Variants in PPP1R21 observed in about 807,000 individuals in gnomAD.
PPP1R21 encodes the protein KLRAQ motif containing 1.
A neutral mutation model predicts 112.8 loss-of-function variants in PPP1R21; 85 were observed. The ratio of observed to expected loss-of-function variants is 0.75; its 90% confidence interval spans 0.63 to 0.90. PPP1R21 has a LOEUF of 0.90. PPP1R21 is among the 40% of genes least tolerant of loss of function. The pLI, the probability that PPP1R21 is intolerant of heterozygous loss-of-function variation, is 0.00. For missense variants in PPP1R21, 1,199 were observed against 901.5 expected (o/e 1.33, Z -4.23); for synonymous variants, 381 against 322.3 (o/e 1.18, Z -1.95).
intron 14 of PPP1R21, among the ~76,000 whole-genome samples, chr2:48,487,825 T>G (rs1669379776): frequency 6.6e-6 from 1 of 151,934 alleles, no homozygotes; most frequent in Non-Finnish European, 1.5e-5. Context: ...AGTTATATTC[T>G]CAGAGTGTGC....
At chr2:48,441,079 G>A in intron 1 of PPP1R21, 69 bp downstream of exon 1, 1 of 1,129,644 alleles carries the variant, frequency 8.9e-7, no homozygotes, top group Non-Finnish European at 1.3e-6. Flanking sequence ...GCAGCGACTT[G>A]TCGGGACCTA....
intron 2 of PPP1R21, among the ~76,000 whole-genome samples, chr2:48,452,841 A>C (rs1399985784): frequency 6.6e-6 from 1 of 152,150 alleles, no homozygotes; most frequent in Non-Finnish European, 1.5e-5. Flanking sequence ...TAGGAAAAAA[A>C]TTATTTTCTC....
chr2:48,448,698 A>T (rs145819317), intron 1 of PPP1R21, among the ~76,000 whole-genome samples: 19 of 152,240 alleles, frequency 1.2e-4, no homozygotes, highest in Non-Finnish European at 2.5e-4. Context: ...GAAGTAGCAC[A>T]TTATTCAAGA....
At position 48,514,800 on chromosome 2, in the gene PPP1R21, G is replaced by C; in HGVS notation, c.*56G>C. 6.3e-7 allele frequency: 1 copy of C among 1,598,548 alleles called. No individual in the cohort carries two copies. Among genetic ancestry groups the C allele is most frequent in the East Asian group, 2.2e-5 (1 of 44,816 alleles). On this transcript the variant is annotated 3_prime_UTR_variant, in exon 22 of 22. Transcript: ENST00000294952. ...TCCAGACCTGCTCCTGCTGCACAGA[G>C]CCGCAGGGCTGAGACCACGTCCATG... is the stretch of plus-strand genomic sequence containing the variant.
chr2:48,461,054 T>C, intron 6 of PPP1R21, 84 bp from the exon 7 acceptor site: 1 of 1,498,590 alleles, frequency 6.7e-7, no homozygotes. Context: ...GGAAGCCTAC[T>C]ACCAGCTGTT....
chr2:48,508,582 G>A (rs1258605041), intron 19 of PPP1R21, among the ~76,000 whole-genome samples: 1 of 152,230 alleles, frequency 6.6e-6, no homozygotes, highest in Non-Finnish European at 1.5e-5. Flanking sequence ...GCTAGCAGTG[G>A]AAATGCTGAA....
intron 9 of PPP1R21, among the ~76,000 whole-genome samples, chr2:48,467,179 C>T (rs896362896): frequency 1.3e-5 from 2 of 152,054 alleles, no homozygotes; most frequent in Non-Finnish European, 2.9e-5. Context: ...GGGGCATTTT[C>T]AGGGTTTGTG....
At chr2:48,470,790 C>T (rs1009180328) in intron 9 of PPP1R21, among the ~76,000 whole-genome samples, 1 of 152,164 alleles carries the variant, frequency 6.6e-6, no homozygotes, top group Admixed American at 6.5e-5. Context: ...TATTCGCTCC[C>T]TATTTCCTCT....
intron 15 of PPP1R21, among the ~76,000 whole-genome samples, chr2:48,492,091 T>A (rs1463256554): frequency 1.3e-5 from 2 of 152,346 alleles, no homozygotes; most frequent in East Asian, 1.9e-4. Flanking sequence ...CACCTGCAAT[T>A]TGTGCATTTT....
At chr2:48,482,614 A>G (rs6707615) in intron 13 of PPP1R21, among the ~76,000 whole-genome samples, 2 of 150,948 alleles carry the variant, frequency 1.3e-5, no homozygotes, top group African/African-American at 4.9e-5. Flanking sequence ...CAGAAGTTAC[A>G]TGGCAGATTA....
At chr2:48,486,011 T>G (rs1669276530) in intron 13 of PPP1R21, among the ~76,000 whole-genome samples, 1 of 148,976 alleles carries the variant, frequency 6.7e-6, no homozygotes, top group African/African-American at 2.4e-5. Flanking sequence ...ATATAATTAA[T>G]ACATATGTGT....
Position 48,440,812 on chromosome 2 carries a change from C to CGAG in PPP1R21, c.-141_-140insAGG. The stretch of plus-strand genomic sequence containing the variant: ...GGGAACCCGGAAGTGGAGGAGGAGG[C>CGAG]GCGGCGGCGGCGGCGGCGGCGGCTG... On this transcript the variant is annotated 5_prime_UTR_variant, in exon 1 of 22. Transcript: ENST00000294952. The CGAG allele has an allele frequency of 1.6e-6, 1 of 626,610 alleles. No homozygotes were observed. The highest frequency in any genetic ancestry group is 1.8e-5 in the South Asian group (1 of 54,552). The allele number at this position is 626,610 out of a possible 1,614,324, so 38.8% of individuals were successfully genotyped here.
intron 15 of PPP1R21, among the ~76,000 whole-genome samples, 187 bp from the exon 16 acceptor site, chr2:48,495,492 G>A (rs938098355): frequency 2.6e-5 from 4 of 152,114 alleles, no homozygotes; most frequent in East Asian, 1.9e-4. Context: ...GTGAGCCACC[G>A]CGCCCAGGCT....
At chr2:48,459,306 G>A (rs1667877009) in intron 4 of PPP1R21, among the ~76,000 whole-genome samples, 1 of 151,880 alleles carries the variant, frequency 6.6e-6, no homozygotes, top group South Asian at 2.1e-4. Context: ...ACAGGAAAGA[G>A]CTTTACCTGT....
chr2:48,488,238 C>G (rs1669398273), intron 14 of PPP1R21, among the ~76,000 whole-genome samples: 1 of 152,200 alleles, frequency 6.6e-6, no homozygotes, highest in African/African-American at 2.4e-5. Flanking sequence ...ACCATCCCCA[C>G]TGCCTCCCCT....
intron 1 of PPP1R21, among the ~76,000 whole-genome samples, chr2:48,447,950 AAAATAAAT>A (rs1010069507): frequency 6.6e-6 from 1 of 151,900 alleles, no homozygotes; most frequent in Non-Finnish European, 1.5e-5. Context: ...ACTCAGTCTC[AAAATAAAT>A]AAATAAATAA....
At chr2:48,490,218 C>CAAAAAAAAAA (rs70943343) in intron 14 of PPP1R21, among the ~76,000 whole-genome samples, 3 of 93,948 alleles carry the variant, frequency 3.2e-5, no homozygotes, top group Admixed American at 2.5e-4. Flanking sequence ...GACGCCGACT[C>CAAAAAAAAAA]AAAAAAAAAA....
chr2:48,485,933 GTATATACTATA>G, intron 13 of PPP1R21, among the ~76,000 whole-genome samples: 1 of 53,194 alleles, frequency 1.9e-5, no homozygotes, highest in African/African-American at 6.8e-5. Context: ...ATATACAATT[GTATATACTATA>G]TATAATTGTA....
Position 48,484,422 on chromosome 2 carries a change from G to A in PPP1R21, c.1319-2209G>A, listed in dbSNP as rs113474537. Among the ~76,000 whole-genome samples, 541 of 151,996 alleles carry A rather than the reference G, an allele frequency of 3.6e-3. 6 individuals are homozygous for A. Among genetic ancestry groups the A allele is most frequent in the African/African-American group, 0.012 (513 of 41,450 alleles). On this transcript the variant is annotated intron_variant, in intron 13 of 21. Coordinates refer to ENST00000294952, the MANE Select transcript of PPP1R21 (RefSeq NM_001135629.3). ...AAGGAAAAATAAATCTATGGTCTAA[G>A]TCACATGATTCTTTTGTACATTTTG...
Sources: gnomAD v4.1 joint callset for allele counts (sites outside exome capture counted in the v4.1 genomes callset) on GRCh38, gnomAD v4.1.1 for gene constraint, MANE v1.5 for transcripts, NCBI Gene and HGNC (gene_info 2026-07-23, HGNC 2026-07-21) for gene names.